Variants in NAT1 observed in about 807,000 individuals in gnomAD.
The protein encoded by NAT1 is arylamine N-acetyltransferase 1.
For synonymous variants in NAT1, 144 were observed against 122.6 expected (o/e 1.17, Z -1.16); for missense variants, 400 against 339.2 (o/e 1.18, Z -1.41).
chr8:18,207,128 A>C (rs1046656847), upstream of NAT1, among the ~76,000 whole-genome samples: 2 of 152,164 alleles, frequency 1.3e-5, no homozygotes, highest in Non-Finnish European at 2.9e-5. Flanking sequence ...TTAAATAGGG[A>C]ATTATTTCAC....
At chr8:18,182,645 AG>A (rs374235002) in intron 2 of NAT1, among the ~76,000 whole-genome samples, 81 of 152,258 alleles carry the variant, frequency 5.3e-4, no homozygotes, top group African/African-American at 1.8e-3. Flanking sequence ...CTTGATTTCT[AG>A]AACTAACTAA....
At chr8:18,181,606 A>G (rs896777777) in intron 2 of NAT1, among the ~76,000 whole-genome samples, 2 of 152,124 alleles carry the variant, frequency 1.3e-5, no homozygotes, top group African/African-American at 4.8e-5. Flanking sequence ...TACTATTAAT[A>G]TGTATAAAAG....
At chr8:18,210,047 G>T (rs573228206), upstream of NAT1, 23 of 152,264 alleles carry the variant, frequency 1.5e-4, no homozygotes, top group Middle Eastern at 6.8e-3. Context: ...TGTGACTCTG[G>T]GGGCGGGGCC....
chr8:18,192,224 C>A (rs375699300), intron 2 of NAT1, among the ~76,000 whole-genome samples: 1 of 151,976 alleles, frequency 6.6e-6, no homozygotes, highest in South Asian at 2.1e-4. Context: ...ATGCAGCCAA[C>A]AGACACATGA....
intron 1 of NAT1, among the ~76,000 whole-genome samples, chr8:18,213,294 G>A (rs984424228): frequency 3.3e-5 from 5 of 151,654 alleles, no homozygotes; most frequent in African/African-American, 1.2e-4. Flanking sequence ...CTTTAGACAG[G>A]GAATGCACTC....
chr8:18,202,789 T>C (rs1489558522), intron 2 of NAT1, among the ~76,000 whole-genome samples: 2 of 152,018 alleles, frequency 1.3e-5, no homozygotes, highest in African/African-American at 2.4e-5. Flanking sequence ...GCAAGATTTA[T>C]TGTGAAGAGT....
chr8:18,215,853 A>G (rs1251556579), intron 1 of NAT1, among the ~76,000 whole-genome samples: 1 of 152,116 alleles, frequency 6.6e-6, no homozygotes. Flanking sequence ...ATTGAGGAAA[A>G]TGACGAGACG....
At chr8:18,195,629 T>C (rs1404544983) in intron 2 of NAT1, among the ~76,000 whole-genome samples, 1 of 152,172 alleles carries the variant, frequency 6.6e-6, no homozygotes, top group Non-Finnish European at 1.5e-5. Context: ...TTCCTGTATA[T>C]TATTAAAATT....
At chr8:18,200,577 C>G (rs1383046689) in intron 2 of NAT1, among the ~76,000 whole-genome samples, 1 of 152,134 alleles carries the variant, frequency 6.6e-6, no homozygotes, top group South Asian at 2.1e-4. Flanking sequence ...AAAACTACCT[C>G]TCAAGTACTA....
At chr8:18,219,166 C>T (rs1445344697) in intron 1 of NAT1, among the ~76,000 whole-genome samples, 1 of 152,052 alleles carries the variant, frequency 6.6e-6, no homozygotes, top group South Asian at 2.1e-4. Context: ...AGCCCCGCTG[C>T]TGGTGGCTTC....
At chr8:18,187,970 C>T (rs958359003) in intron 2 of NAT1, among the ~76,000 whole-genome samples, 6 of 148,920 alleles carry the variant, frequency 4.0e-5, no homozygotes, top group Non-Finnish European at 7.4e-5. Flanking sequence ...CACACACACA[C>T]ACACACACAC....
At chr8:18,215,152 G>A (rs543945540) in intron 1 of NAT1, among the ~76,000 whole-genome samples, 18 of 152,120 alleles carry the variant, frequency 1.2e-4, no homozygotes, top group East Asian at 7.7e-4. Flanking sequence ...GTTCTTTTTC[G>A]TGGCTGCATA....
At chr8:18,182,215 T>G (rs1448957215) in intron 2 of NAT1, among the ~76,000 whole-genome samples, 1 of 152,206 alleles carries the variant, frequency 6.6e-6, no homozygotes, top group Non-Finnish European at 1.5e-5. Context: ...AGGATAGTTG[T>G]TCCATTTGAT....
intron 2 of NAT1, among the ~76,000 whole-genome samples, chr8:18,192,971 C>T (rs1185089981): frequency 6.6e-6 from 1 of 150,938 alleles, no homozygotes; most frequent in South Asian, 2.1e-4. Context: ...GCACATGTAC[C>T]CTAAAACTTA....
At chr8:18,193,261 TG>T (rs1589074729) in intron 2 of NAT1, among the ~76,000 whole-genome samples, 1 of 149,316 alleles carries the variant, frequency 6.7e-6, no homozygotes, top group East Asian at 2.0e-4. Context: ...AAAATTTTTT[TG>T]TAGAGATGGG....
intron 2 of NAT1, among the ~76,000 whole-genome samples, chr8:18,186,988 TC>T (rs1802763452): frequency 6.6e-6 from 1 of 152,114 alleles, no homozygotes; most frequent in South Asian, 2.1e-4. Flanking sequence ...AGTAAGCTGT[TC>T]CTTGTGCCTG....
chr8:18,216,325 CCT>C (rs1371391365), intron 1 of NAT1, among the ~76,000 whole-genome samples: 9 of 152,132 alleles, frequency 5.9e-5, no homozygotes, highest in Admixed American at 3.9e-4. Context: ...GGTTAAATAT[CCT>C]CTCTCTTTCC....
rs56328478 is a variant in NAT1, at chr8:18,222,544, G to A, written c.497G>A (p.Arg166Lys). 1 of 1,614,102 alleles carries A rather than the reference G, an allele frequency of 6.2e-7. No homozygotes were observed. The highest frequency in any genetic ancestry group is 8.5e-7 in the Non-Finnish European group (1 of 1,180,004). ...NGFWYLDQIR[R>K]EQYIPNEEFL... Reference sequence around the variant, plus strand: ...TTCTGGTATCTAGACCAAATCAGAAGGGAACAGTACATTCCAAATGAAGAA... The same window carrying A: ...TTCTGGTATCTAGACCAAATCAGAAAGGAACAGTACATTCCAAATGAAGAA... The change falls in exon 3 of 3, where the codon AGG becomes AAG. Residue 166 changes from arginine (R) to lysine (K), a missense_variant. Transcript: ENST00000307719.
At chr8:18,187,759 G>T (rs1802801761) in intron 2 of NAT1, among the ~76,000 whole-genome samples, 1 of 151,996 alleles carries the variant, frequency 6.6e-6, no homozygotes, top group Non-Finnish European at 1.5e-5. Flanking sequence ...AGGGTACTAT[G>T]CATATTACCC....
Sources: gnomAD v4.1 joint callset for allele counts (sites outside exome capture counted in the v4.1 genomes callset) on GRCh38, gnomAD v4.1.1 for gene constraint, MANE v1.5 for transcripts, NCBI Gene and HGNC (gene_info 2026-07-23, HGNC 2026-07-21) for gene names.